Variants in PRKG1 observed in about 807,000 individuals in gnomAD.
PRKG1 encodes the protein protein kinase cGMP-dependent 1.
In PRKG1, 35 loss-of-function variants were observed where a neutral mutation model predicts 88.1. That is an observed-to-expected ratio of 0.40 (90% CI 0.30 to 0.53). The LOEUF (loss-of-function observed/expected upper bound fraction) is 0.53, where lower values mean the gene tolerates loss of function less well. Among genes scored for constraint, PRKG1 ranks in the 20% least tolerant of loss-of-function variants. The pLI is 0.59. For missense variants in PRKG1, 540 were observed against 839.8 expected, an observed-to-expected ratio of 0.64 and a Z score of 4.41; for synonymous variants, 303 against 292.5, an observed-to-expected ratio of 1.04 and a Z score of -0.37.
At position 51,066,127 on chromosome 10, in the gene PRKG1, G is replaced by A. The variant is rs761887906; in HGVS notation, c.266+74483G>A. Among the ~76,000 whole-genome samples the A allele has an allele frequency of 3.8e-4, 58 of 152,082 alleles. 2 individuals are homozygous for A. Among genetic ancestry groups the A allele is most frequent in the Non-Finnish European group, 2.5e-4 (17 of 67,974 alleles). On this transcript the variant is annotated intron_variant, in intron 1 of 17. Transcript: ENST00000401604. ...ATTGGAAGCTATGAAATGTTAAGAC[G>A]TAATTGCTTAATGCTTGGAGAACTT...
At chr10:52,158,215 G>T (rs7917514) in intron 8 of PRKG1, among the ~76,000 whole-genome samples, 6,333 of 151,550 alleles carry the variant, frequency 0.042, 371 homozygotes, top group African/African-American at 0.13. Context: ...ACCTATATTT[G>T]TTAAAACTCA....
At chr10:51,225,410 A>G (rs907624798) in intron 2 of PRKG1, among the ~76,000 whole-genome samples, 1 of 152,178 alleles carries the variant, frequency 6.6e-6, no homozygotes, top group Non-Finnish European at 1.5e-5. Flanking sequence ...TATTCAGTCC[A>G]TTGTGCACAC....
chr10:51,649,975 C>T (rs994432351), intron 3 of PRKG1, among the ~76,000 whole-genome samples: 1 of 152,176 alleles, frequency 6.6e-6, no homozygotes, highest in Non-Finnish European at 1.5e-5. Flanking sequence ...GTGAAGAGTC[C>T]TGTGAGACTA....
At chr10:52,139,614 G>C (rs1424376656) in intron 8 of PRKG1, among the ~76,000 whole-genome samples, 3 of 152,110 alleles carry the variant, frequency 2.0e-5, no homozygotes, top group African/African-American at 7.2e-5. Flanking sequence ...AACCCAGAGT[G>C]CCAAATGGGA....
intron 10 of PRKG1, among the ~76,000 whole-genome samples, chr10:52,257,528 G>C (rs575411875): frequency 7.2e-6 from 1 of 139,732 alleles, no homozygotes; most frequent in South Asian, 2.3e-4. Flanking sequence ...AGATCTTTGG[G>C]CAGTATTGCC....
intron 3 of PRKG1, among the ~76,000 whole-genome samples, chr10:51,792,354 T>C (rs1724156453): frequency 6.6e-6 from 1 of 152,108 alleles, no homozygotes; most frequent in Non-Finnish European, 1.5e-5. Flanking sequence ...TTGCCTAATA[T>C]ACCTGACCTT....
At position 51,368,659 on chromosome 10, in the gene PRKG1, A is replaced by G. The variant is rs138572850; in HGVS notation, c.479-99064A>G. 2.6e-3 allele frequency among the ~76,000 whole-genome samples: 397 copies of G among 152,244 alleles called. 2 individuals are homozygous for G. The highest frequency in any genetic ancestry group is 9.4e-3 in the African/African-American group (389 of 41,568). ...TTTAAAAGCTGAGTATTTACTATGAACAATAGATTTACTCTGTTCTTTCTA... is the reference window on the plus strand; with the variant it reads ...TTTAAAAGCTGAGTATTTACTATGAGCAATAGATTTACTCTGTTCTTTCTA... On this transcript the variant is annotated intron_variant, in intron 2 of 17. Coordinates refer to ENST00000373980, the MANE Select transcript of PRKG1 (RefSeq NM_006258.4).
chr10:52,033,942 G>A (rs938821135), intron 5 of PRKG1, among the ~76,000 whole-genome samples: 1 of 149,178 alleles, frequency 6.7e-6, no homozygotes, highest in Non-Finnish European at 1.5e-5. Context: ...TTGTTCTCTG[G>A]CAGGCAGCAG....
intron 3 of PRKG1, among the ~76,000 whole-genome samples, chr10:51,789,268 T>C (rs1838806950): frequency 2.0e-5 from 3 of 152,206 alleles, no homozygotes; most frequent in South Asian, 2.1e-4. Flanking sequence ...GCAGATATTT[T>C]TGAAGTAGGC....
intron 5 of PRKG1, among the ~76,000 whole-genome samples, chr10:51,928,433 T>C (rs1347288799): frequency 6.6e-6 from 1 of 152,198 alleles, no homozygotes; most frequent in Non-Finnish European, 1.5e-5. Flanking sequence ...ATGATGCTAA[T>C]GCTGGCTGTA....
intron 3 of PRKG1, among the ~76,000 whole-genome samples, chr10:51,534,295 A>C (rs1842086693): frequency 6.6e-6 from 1 of 152,192 alleles, no homozygotes; most frequent in African/African-American, 2.4e-5. Flanking sequence ...TTTCATGACT[A>C]ATTGCTTGTC....
intron 1 of PRKG1, among the ~76,000 whole-genome samples, chr10:51,051,503 T>C (rs1429144021): frequency 6.6e-6 from 1 of 152,098 alleles, no homozygotes; most frequent in East Asian, 1.9e-4. Flanking sequence ...ACTCCCTTCT[T>C]TCCTATTTGC....
chr10:52,265,044 C>T (rs1048661368), intron 10 of PRKG1, among the ~76,000 whole-genome samples: 3 of 152,084 alleles, frequency 2.0e-5, no homozygotes, highest in Non-Finnish European at 4.4e-5. Flanking sequence ...AATTAACATG[C>T]TTTAAAAATG....
intron 3 of PRKG1, among the ~76,000 whole-genome samples, chr10:51,673,776 G>T (rs1036085189): frequency 2.1e-4 from 32 of 152,176 alleles, no homozygotes; most frequent in African/African-American, 7.5e-4. Flanking sequence ...TATCATGATC[G>T]AGATTTGAGA....
intron 9 of PRKG1, among the ~76,000 whole-genome samples, chr10:52,169,201 A>G (rs1838588592): frequency 6.6e-6 from 1 of 152,170 alleles, no homozygotes. Context: ...ATGCACAGAA[A>G]CCAAGAATAG....
At chr10:51,078,319 A>G (rs1844015754) in intron 1 of PRKG1, among the ~76,000 whole-genome samples, 1 of 151,256 alleles carries the variant, frequency 6.6e-6, no homozygotes. Context: ...CCAGGGTTCA[A>G]GCAACTCTCC....
chr10:51,234,977 A>T (rs934233727), intron 2 of PRKG1, among the ~76,000 whole-genome samples: 3 of 152,206 alleles, frequency 2.0e-5, no homozygotes, highest in African/African-American at 7.2e-5. Context: ...AAATAAAATC[A>T]TTAATGTTTT....
rs537241923 is a variant in PRKG1 at position 51,928,940 on chromosome 10, C to G, written c.762+21370C>G. ...CTACAGAGAATATTGCCCTTGGCCA[C>G]TCACTCTTTACCTACTTTTATTTGA... is the stretch of plus-strand genomic sequence containing the variant. On this transcript the variant is annotated intron_variant, in intron 5 of 17. Coordinates refer to ENST00000373980, the MANE Select transcript of PRKG1 (RefSeq NM_006258.4). Among the ~76,000 whole-genome samples, 7 of 152,268 alleles carry G rather than the reference C, an allele frequency of 4.6e-5. No individual in the cohort carries two copies. In the East Asian group the frequency reaches 7.7e-4, roughly 17 times the overall value.
At chr10:52,102,171 TAC>T (rs990069152) in intron 7 of PRKG1, among the ~76,000 whole-genome samples, 3 of 152,196 alleles carry the variant, frequency 2.0e-5, no homozygotes, top group Non-Finnish European at 4.4e-5. Context: ...ACTGCCTTTT[TAC>T]AGTTTTTTTT....
Sources: allele counts gnomAD v4.1 joint callset (sites outside exome capture counted in the v4.1 genomes callset), GRCh38; gene constraint gnomAD v4.1.1; transcripts MANE v1.5; gene names NCBI Gene and HGNC (gene_info 2026-07-23, HGNC 2026-07-21).